The following SLC9A8 variants were observed in gnomAD, a reference collection of about 807,000 sequenced individuals.
SLC9A8 encodes the protein sodium/hydrogen exchanger 8.
A neutral mutation model predicts 66.6 loss-of-function variants in SLC9A8; 48 were observed. That is an observed-to-expected ratio of 0.72 (90% CI 0.57 to 0.92). The LOEUF is 0.92. Ranked by LOEUF, SLC9A8 falls within the 40% of genes least tolerant of loss-of-function variation. The pLI is 0.00. For missense variants in SLC9A8, 599 were observed against 747.3 expected, an observed-to-expected ratio of 0.80 and a Z score of 2.31; for synonymous variants, 274 against 282.6, an observed-to-expected ratio of 0.97 and a Z score of 0.31.
At chr20:49,848,159 G>A (rs933821329) in intron 5 of SLC9A8, among the ~76,000 whole-genome samples, 1 of 151,966 alleles carries the variant, frequency 6.6e-6, no homozygotes, top group Non-Finnish European at 1.5e-5. Flanking sequence ...CCTGACCTTA[G>A]ATGATCCACC....
chr20:49,891,293 TG>T lies in SLC9A8; in HGVS notation c.*3358del, dbSNP rs1162189523. 1.3e-5 allele frequency: 2 copies of T among 151,900 alleles called. No individual in the cohort carries two copies. The highest frequency in any genetic ancestry group is 2.9e-5 in the Non-Finnish European group (2 of 67,980). The allele number at this position is 151,900 out of a possible 1,614,324, so 9.4% of individuals were successfully genotyped here. On this transcript the variant is annotated 3_prime_UTR_variant, in exon 16 of 16. Coordinates refer to ENST00000361573, the MANE Select transcript of SLC9A8 (RefSeq NM_015266.3). Reference sequence around the variant, plus strand: ...CTTGCTGGGGGCGGGTAGGAAACCCTGAGCTTCCTGATGCGGAGTCATGAAG... The same window carrying T: ...CTTGCTGGGGGCGGGTAGGAAACCCTAGCTTCCTGATGCGGAGTCATGAAG...
intron 14 of SLC9A8, 97 bp downstream of exon 14, chr20:49,884,163 T>C (rs977276539): frequency 2.9e-6 from 3 of 1,050,948 alleles, no homozygotes; most frequent in Non-Finnish European, 4.3e-6. Flanking sequence ...AGCCTTGCTT[T>C]CTTGCTTTGA....
chr20:49,859,999 C>G (rs1255061585), intron 8 of SLC9A8, among the ~76,000 whole-genome samples: 1 of 152,126 alleles, frequency 6.6e-6, no homozygotes, highest in Non-Finnish European at 1.5e-5. Flanking sequence ...GTGACCTTAC[C>G]CAGTGACTCA....
At chr20:49,841,267 C>T (rs1415405553) in intron 4 of SLC9A8, among the ~76,000 whole-genome samples, 4 of 150,342 alleles carry the variant, frequency 2.7e-5, no homozygotes, top group African/African-American at 9.8e-5. Flanking sequence ...GTTATAATTG[C>T]ACCACTGCAG....
intron 4 of SLC9A8, among the ~76,000 whole-genome samples, chr20:49,840,327 A>G (rs987761552): frequency 2.0e-5 from 3 of 152,228 alleles, no homozygotes; most frequent in East Asian, 3.8e-4. Context: ...TTGAGCATCC[A>G]TGTTGAGTAG....
chr20:49,834,405 G>GTATA (rs57162343), intron 3 of SLC9A8, among the ~76,000 whole-genome samples: 6 of 40,902 alleles, frequency 1.5e-4, no homozygotes, highest in East Asian at 7.3e-4. Context: ...TATATACTGT[G>GTATA]TATATATATA....
intron 15 of SLC9A8, 93 bp from the exon 16 acceptor site, chr20:49,887,736 T>C: frequency 1.0e-6 from 1 of 955,546 alleles, no homozygotes; most frequent in Non-Finnish European, 1.6e-6. Context: ...ACCTCCTCCC[T>C]AGACACCCCA....
chr20:49,877,095 C>T (rs1184041617), intron 11 of SLC9A8, among the ~76,000 whole-genome samples: 2 of 150,012 alleles, frequency 1.3e-5, no homozygotes, highest in Non-Finnish European at 3.0e-5. Context: ...TGAGACCAGC[C>T]TGGCCAACAC....
At chr20:49,814,316 C>T (rs2086467308) in intron 1 of SLC9A8, among the ~76,000 whole-genome samples, 2 of 152,128 alleles carry the variant, frequency 1.3e-5, no homozygotes, top group Admixed American at 6.5e-5. Flanking sequence ...ACATGTTATA[C>T]CTATTAAATG....
chr20:49,882,738 G>T (rs2281220), intron 13 of SLC9A8, among the ~76,000 whole-genome samples: 6 of 152,168 alleles, frequency 3.9e-5, no homozygotes, highest in African/African-American at 1.4e-4. Flanking sequence ...CTGGCTAGCC[G>T]GTACTAAGCA....
chr20:49,836,808 C>T (rs1600686682), intron 3 of SLC9A8, among the ~76,000 whole-genome samples: 2 of 152,128 alleles, frequency 1.3e-5, no homozygotes, highest in South Asian at 4.1e-4. Flanking sequence ...GCAATGAGTG[C>T]GTGTTCCAAT....
intron 2 of SLC9A8, among the ~76,000 whole-genome samples, chr20:49,819,408 C>T (rs1487441022): frequency 6.6e-6 from 1 of 152,102 alleles, no homozygotes; most frequent in Non-Finnish European, 1.5e-5. Flanking sequence ...TGCAGAAACA[C>T]AAATAATACA....
chr20:49,873,987 C>CA (rs1415443436), intron 10 of SLC9A8, among the ~76,000 whole-genome samples: 1 of 151,926 alleles, frequency 6.6e-6, no homozygotes, highest in Non-Finnish European at 1.5e-5. Context: ...CAGTGGCTCA[C>CA]ACCTGTAATC....
intron 15 of SLC9A8, among the ~76,000 whole-genome samples, chr20:49,887,580 C>G (rs7264756): frequency 0.09 from 13,746 of 152,188 alleles, 681 homozygotes; most frequent in African/African-American, 0.14. Flanking sequence ...GTGTCTGACT[C>G]CAGAGACCAC....
In SLC9A8 at chr20:49,889,386, C is replaced by G. The variant is rs537935455; in HGVS notation, c.*1450C>G. 2 of 152,406 alleles carry G rather than the reference C, an allele frequency of 1.3e-5. No individual in the cohort carries two copies. The highest frequency in any genetic ancestry group is 4.8e-5 in the African/African-American group (2 of 41,550). The allele number at this position is 152,406 out of a possible 1,614,324, so 9.4% of individuals were successfully genotyped here. A position where few individuals can be genotyped will look rare whatever the true frequency, so the allele number is the denominator to read the frequency against. ...CTGCTTCTCTGGGGACACAGTGGGC[C>G]CACATGGGCCAGCATGGACCCTGGG... On this transcript the variant is annotated 3_prime_UTR_variant, in exon 16 of 16. Coordinates refer to ENST00000361573, the MANE Select transcript of SLC9A8 (RefSeq NM_015266.3).
At chr20:49,814,860 CT>C (rs1018359197) in intron 1 of SLC9A8, 147 bp from the exon 2 acceptor site, 3 of 552,668 alleles carry the variant, frequency 5.4e-6, no homozygotes, top group African/African-American at 3.9e-5. Context: ...CAGGGATTTT[CT>C]TAGTAAGTTT....
At chr20:49,841,601 C>CT (rs944407927) in intron 4 of SLC9A8, among the ~76,000 whole-genome samples, 5 of 151,418 alleles carry the variant, frequency 3.3e-5, no homozygotes, top group Non-Finnish European at 7.4e-5. Context: ...TTCTTATTTT[C>CT]TTTTTTTGAG....
intron 5 of SLC9A8, among the ~76,000 whole-genome samples, chr20:49,845,860 A>T (rs1309147847): frequency 1.3e-5 from 2 of 150,206 alleles, no homozygotes; most frequent in Non-Finnish European, 3.0e-5. Flanking sequence ...TTTGAGATGG[A>T]GTCTCACTCT....
chr20:49,815,833 G>A (rs2086530484), intron 2 of SLC9A8, among the ~76,000 whole-genome samples: 1 of 151,024 alleles, frequency 6.6e-6, no homozygotes, highest in Non-Finnish European at 1.5e-5. Context: ...TGAAGGAGCA[G>A]GGGGTGGGGT....
Sources: gnomAD v4.1 joint callset for allele counts (sites outside exome capture counted in the v4.1 genomes callset) on GRCh38, gnomAD v4.1.1 for gene constraint, MANE v1.5 for transcripts, NCBI Gene and HGNC (gene_info 2026-07-23, HGNC 2026-07-21) for gene names.